CEP83: variants seen among roughly 807,000 people sequenced by gnomAD.
CEP83 encodes the protein centrosomal protein 83.
In CEP83, 70 loss-of-function variants were observed where a neutral mutation model predicts 101.9. The observed-to-expected ratio is 0.69, with a 90% CI of 0.57 to 0.84. The LOEUF is 0.84. Ranked by LOEUF, CEP83 falls within the 40% of genes least tolerant of loss-of-function variation. The pLI, the probability that CEP83 is intolerant of heterozygous loss-of-function variation, is 0.00. For missense variants in CEP83, 715 were observed against 787.2 expected (o/e 0.91, Z 1.10); for synonymous variants, 264 against 267.9 (o/e 0.99, Z 0.14).
intron 6 of CEP83, among the ~76,000 whole-genome samples, chr12:94,399,325 C>T (rs1371940971): frequency 6.6e-6 from 1 of 152,222 alleles, no homozygotes; most frequent in African/African-American, 2.4e-5. Context: ...CCAACACTTA[C>T]AGAAAATAGA....
At chr12:94,305,510 G>C, downstream of CEP83, 1 of 457,988 alleles carries the variant, frequency 2.2e-6, no homozygotes, top group Non-Finnish European at 3.9e-6. Flanking sequence ...AGTTGAAGTG[G>C]TTGTTGCAAA....
chr12:94,427,920 T>C (rs903000406), intron 2 of CEP83, among the ~76,000 whole-genome samples: 19 of 152,106 alleles, frequency 1.2e-4, no homozygotes, highest in Non-Finnish European at 5.9e-5. Context: ...CTTGACGCCC[T>C]GCCAGAACCT....
downstream of CEP83, among the ~76,000 whole-genome samples, chr12:94,303,089 AATG>A (rs1197970458): frequency 6.6e-6 from 1 of 152,212 alleles, no homozygotes. Flanking sequence ...TGTGAAAAAT[AATG>A]ATTTTTAAAA....
the CEP83 span, among the ~76,000 whole-genome samples, chr12:94,287,219 C>G: frequency 2.6e-5 from 4 of 152,226 alleles, no homozygotes; most frequent in Non-Finnish European, 5.9e-5. Flanking sequence ...CGTGTCTTTA[C>G]ACATGAAGCC....
intron 8 of CEP83, among the ~76,000 whole-genome samples, 166 bp downstream of exon 8, chr12:94,375,720 G>C (rs2137116486): frequency 6.6e-6 from 1 of 152,276 alleles, no homozygotes; most frequent in Middle Eastern, 3.4e-3. Flanking sequence ...GAATGAAATA[G>C]AGGCATAAGA....
chr12:94,281,893 C>A, the CEP83 span: 1 of 200,828 alleles, frequency 5.0e-6, no homozygotes, highest in East Asian at 1.4e-4. Context: ...CTGGGACCTT[C>A]GCACACTGAT....
In CEP83 at chr12:94,308,716, C is replaced by A; in HGVS notation, c.*97G>T. ...CTTGAGGCACATTCAAGTGTTTTGGCAAACAGTAAAAAGTATCTAAATGCC... is the reference window on the plus strand; with the variant it reads ...CTTGAGGCACATTCAAGTGTTTTGGAAAACAGTAAAAAGTATCTAAATGCC... On this transcript the variant is annotated 3_prime_UTR_variant, in exon 17 of 17. Transcript: ENST00000397809. The A allele has an allele frequency of 2.5e-6, 2 of 786,612 alleles. No homozygotes were observed. The highest frequency in any genetic ancestry group is 2.2e-6 in the Non-Finnish European group (1 of 459,476). 48.7% of individuals were successfully genotyped at this position (786,612 alleles called of 1,614,324 possible).
At chr12:94,420,715 A>C (rs1378252890) in intron 2 of CEP83, among the ~76,000 whole-genome samples, 4 of 152,090 alleles carry the variant, frequency 2.6e-5, no homozygotes, top group Non-Finnish European at 2.9e-5. Flanking sequence ...TAGATACTCT[A>C]TATATATAGG....
chr12:94,315,237 C>T (rs1249399978), intron 14 of CEP83, among the ~76,000 whole-genome samples: 1 of 152,090 alleles, frequency 6.6e-6, no homozygotes, highest in East Asian at 1.9e-4. Flanking sequence ...ACATTTTTGC[C>T]AGTACTTGGT....
chr12:94,379,724 A>C (rs2061734577), intron 6 of CEP83, among the ~76,000 whole-genome samples: 2 of 152,016 alleles, frequency 1.3e-5, no homozygotes, highest in South Asian at 4.1e-4. Flanking sequence ...TGGGCCTCCA[A>C]ATCAGTGGGT....
the CEP83 span, chr12:94,279,656 C>T: frequency 3.3e-5 from 53 of 1,613,428 alleles, no homozygotes; most frequent in East Asian, 2.9e-4. Context: ...CTTGGTAAGG[C>T]GGTGCGGGAG....
At chr12:94,455,408 A>T (rs1303932201) in intron 1 of CEP83, among the ~76,000 whole-genome samples, 1 of 152,180 alleles carries the variant, frequency 6.6e-6, no homozygotes, top group East Asian at 1.9e-4. Flanking sequence ...CTGGGCAACA[A>T]CTCAGAAGCT....
At chr12:94,433,009 T>C (rs548980583) in intron 2 of CEP83, among the ~76,000 whole-genome samples, 1 of 152,082 alleles carries the variant, frequency 6.6e-6, no homozygotes, top group Non-Finnish European at 1.5e-5. Flanking sequence ...GCAGCTAAAA[T>C]TAACAAAGGG....
At chr12:94,394,438 C>T (rs1183540480) in intron 6 of CEP83, among the ~76,000 whole-genome samples, 1 of 152,174 alleles carries the variant, frequency 6.6e-6, no homozygotes, top group African/African-American at 2.4e-5. Flanking sequence ...AAAGCTGAAA[C>T]TGGATCCCTT....
At chr12:94,325,427 C>T (rs755394682) in intron 14 of CEP83, among the ~76,000 whole-genome samples, 2 of 152,162 alleles carry the variant, frequency 1.3e-5, no homozygotes, top group Non-Finnish European at 2.9e-5. Flanking sequence ...TCCGCCTTGG[C>T]CTCCCAAAGT....
At chr12:94,274,323 A>G in the CEP83 span, among the ~76,000 whole-genome samples, 1 of 151,954 alleles carries the variant, frequency 6.6e-6, no homozygotes, top group East Asian at 1.9e-4. Flanking sequence ...ACAGAGTGAG[A>G]CCCTGTCTAT....
intron 14 of CEP83, chr12:94,328,105 G>C (rs949751461): frequency 6.1e-6 from 1 of 165,010 alleles, no homozygotes; most frequent in Non-Finnish European, 1.3e-5. Context: ...ATTCATAATA[G>C]TATCTGACCA....
intron 2 of CEP83, among the ~76,000 whole-genome samples, chr12:94,421,303 C>T (rs2064724156): frequency 6.6e-6 from 1 of 152,106 alleles, no homozygotes; most frequent in Non-Finnish European, 1.5e-5. Context: ...AAGCCATCCT[C>T]CCACCTTGAC....
chr12:94,446,048 AT>A (rs1482839000), intron 1 of CEP83, among the ~76,000 whole-genome samples: 15 of 152,346 alleles, frequency 9.8e-5, no homozygotes, highest in African/African-American at 3.6e-4. Context: ...AGCCTGCCAT[AT>A]TTGTGATTAT....
Sources: allele counts gnomAD v4.1 joint callset (sites outside exome capture counted in the v4.1 genomes callset), GRCh38; gene constraint gnomAD v4.1.1; transcripts MANE v1.5; gene names NCBI Gene and HGNC (gene_info 2026-07-23, HGNC 2026-07-21).